FLT4: variants seen among roughly 807,000 people sequenced by gnomAD.
The protein encoded by FLT4 is fms related receptor tyrosine kinase 4, also known as vascular endothelial growth factor receptor 3.
A neutral mutation model predicts 163.2 loss-of-function variants in FLT4; 30 were observed. That is an observed-to-expected ratio of 0.18 (90% confidence interval 0.14 to 0.25). The LOEUF is 0.25. Among genes scored for constraint, FLT4 ranks in the 10% least tolerant of loss-of-function variants. FLT4 has a pLI of 1.00. For synonymous variants in FLT4, 884 were observed against 789.5 expected, an observed-to-expected ratio of 1.12 and a Z score of -2.01; for missense variants, 1,510 against 1,863.8, an observed-to-expected ratio of 0.81 and a Z score of 3.50.
At chr5:180,613,915 G>T in intron 24 of FLT4, 153 bp downstream of exon 24, 1 of 703,438 alleles carries the variant, frequency 1.4e-6, no homozygotes, top group South Asian at 1.5e-5. Context: ...GGGGAGAGGT[G>T]GGGGGCCCTT....
At chr5:180,647,035 C>A in intron 1 of FLT4, among the ~76,000 whole-genome samples, 1 of 151,960 alleles carries the variant, frequency 6.6e-6, no homozygotes, top group East Asian at 1.9e-4. Context: ...ATCCTGCCTG[C>A]AGTGACTTGC....
chr5:180,622,737 C>T lies in FLT4; in HGVS notation c.1651G>A (p.Val551Met). The change falls in exon 12 of 30, where the codon GTG becomes ATG. Residue 551 changes from valine (V) to methionine (M), a missense_variant. Physicochemically the swap from Val to Met is conservative, Grantham distance 21. Transcript: ENST00000261937. ...CCCTGGTCTGGTCACTCACTGGTCA[C>T]ATAGAAGTAGATGAGCCGCTCATCC... ...GQDERLIYFY[V>M]TTIPDGFTIE... 6.2e-7 allele frequency: 1 copy of T among 1,605,870 alleles called. No homozygotes were observed. The highest frequency in any genetic ancestry group is 8.5e-7 in the Non-Finnish European group (1 of 1,173,064).
chr5:180,607,184 C>T (rs1325666058), intron 29 of FLT4, among the ~76,000 whole-genome samples: 1 of 152,218 alleles, frequency 6.6e-6, no homozygotes, highest in Non-Finnish European at 1.5e-5. Flanking sequence ...ATGGCCAAAA[C>T]TGTTTTTCCC....
At chr5:180,646,603 C>G (rs1297935721) in intron 1 of FLT4, among the ~76,000 whole-genome samples, 3 of 152,204 alleles carry the variant, frequency 2.0e-5, no homozygotes, top group Non-Finnish European at 2.9e-5. Context: ...AGCTGGGCCT[C>G]ACCAGGGCCC....
At position 180,626,036 on chromosome 5, in the gene FLT4, G is replaced by A. The variant is rs2127827480; in HGVS notation, c.1259-5C>T. 1 of 1,612,744 alleles carries A rather than the reference G, an allele frequency of 6.2e-7. No individual in the cohort carries two copies. The highest frequency in any genetic ancestry group is 8.5e-7 in the Non-Finnish European group (1 of 1,179,992). ...TCTCATGTATCTGGGGGGGCACTGT[G>A]GGCACACAGATGGCCGGTCAGCTGG... On this transcript the variant is annotated splice_region_variant and splice_polypyrimidine_tract_variant and intron_variant, in intron 9 of 29. Transcript: ENST00000261937.
chr5:180,641,771 C>T (rs142982892), intron 1 of FLT4, among the ~76,000 whole-genome samples: 2,321 of 152,286 alleles, frequency 0.015, 27 homozygotes, highest in Non-Finnish European at 0.023. Context: ...CCCGCATGCC[C>T]GGCTGGGCAC....
rs762218682 is a variant in FLT4, at chr5:180,608,190, G to T, written c.3893+778C>A. 12 of 700,480 alleles carry T rather than the reference G, an allele frequency of 1.7e-5. No homozygotes were observed. In the Admixed American group the frequency reaches 2.2e-4, roughly 13 times the overall value. The allele number at this position is 700,480 out of a possible 1,614,324, so 43.4% of individuals were successfully genotyped here. ...AAGTTTGTAGTAGATAGCAGTAGAA[G>T]AAATAGCGAAAGTCTTAAAGTCTTT... On this transcript the variant is annotated intron_variant, in intron 29 of 29. Coordinates refer to ENST00000261937, the MANE Select transcript of FLT4 (RefSeq NM_182925.5).
chr5:180,627,861 G>A (rs1763759857), intron 8 of FLT4, among the ~76,000 whole-genome samples: 1 of 152,162 alleles, frequency 6.6e-6, no homozygotes, highest in Non-Finnish European at 1.5e-5. Flanking sequence ...TCAGGACTCT[G>A]CCCCAAGGGC....
chr5:180,605,751 C>A (rs961797078), intron 29 of FLT4, among the ~76,000 whole-genome samples: 2 of 152,234 alleles, frequency 1.3e-5, no homozygotes, highest in Non-Finnish European at 2.9e-5. Flanking sequence ...CCCAGAAGAG[C>A]TAGGCCCTCC....
intron 1 of FLT4, among the ~76,000 whole-genome samples, chr5:180,638,264 C>T (rs1269070681): frequency 6.6e-6 from 1 of 152,204 alleles, no homozygotes; most frequent in Non-Finnish European, 1.5e-5. Flanking sequence ...CCGCAGTCTA[C>T]GTTTCCGATG....
Position 180,612,561 on chromosome 5 carries a change from G to T in FLT4, c.3482C>A (p.Ala1161Glu), listed in dbSNP as rs1479792146. Residue 1161 changes from alanine to glutamate, a missense_variant, in exon 26 of 30, where the codon GCA becomes GAA. By Grantham distance (107) the Ala-to-Glu change is moderately radical (BLOSUM62 -1). Coordinates refer to ENST00000261937, the MANE Select transcript of FLT4 (RefSeq NM_182925.5). ...CWSGDPKARP[A>E]FSELVEILGD... Reference sequence around the variant, plus strand: ...CAGGATCTCCACCAGCTCCGAGAATGCAGGTCTCGCCTTGGGGTCTCCGGA... The same window carrying T: ...CAGGATCTCCACCAGCTCCGAGAATTCAGGTCTCGCCTTGGGGTCTCCGGA... The T allele has an allele frequency of 6.2e-7, 1 of 1,613,952 alleles. No homozygotes were observed. Among genetic ancestry groups the T allele is most frequent in the Non-Finnish European group, 8.5e-7 (1 of 1,179,948 alleles).
chr5:180,641,951 G>A (rs1765147029), intron 1 of FLT4, among the ~76,000 whole-genome samples: 1 of 152,198 alleles, frequency 6.6e-6, no homozygotes, highest in African/African-American at 2.4e-5. Context: ...GCTCACGCCT[G>A]TAATCACAGC....
Position 180,603,137 on chromosome 5 carries a change from T to TG in FLT4, c.*54dup. On this transcript the variant is annotated 3_prime_UTR_variant, in exon 30 of 30. Transcript: ENST00000261937. ...TTCCCAGCCTGGGCCTCCAGCCCTC[T>TG]GCCCGCCCTGCCGGGCCTGAACCCC... The TG allele has an allele frequency of 6.3e-7, 1 of 1,578,092 alleles. No individual in the cohort carries two copies.
At chr5:180,646,174 G>T (rs921634213) in intron 1 of FLT4, among the ~76,000 whole-genome samples, 4 of 152,058 alleles carry the variant, frequency 2.6e-5, no homozygotes, top group African/African-American at 9.7e-5. Context: ...AAATCCCATT[G>T]CCTACCTCCA....
rs2127822884 is a variant in FLT4 at position 180,624,022 on chromosome 5, A to C, written c.1461T>G (p.Arg487=). The change falls in exon 11 of 30, where the codon CGT becomes CGG. Residue 487 remains arginine (R), a synonymous_variant. Coordinates refer to ENST00000261937, the MANE Select transcript of FLT4 (RefSeq NM_182925.5). The part of the protein sequence containing the change: ...RQQQDLMPQC[R]DWRAVTTQDA... The stretch of plus-strand genomic sequence containing the variant: ...CCTGCGTGGTCACCGCCCTCCAGTC[A>C]CGGCACTGTGGCATGAGGTCTTGCT... 1 of 1,613,280 alleles carries C rather than the reference A, an allele frequency of 6.2e-7. No homozygotes were observed. The highest frequency in any genetic ancestry group is 8.5e-7 in the Non-Finnish European group (1 of 1,179,982).
At chr5:180,627,110 T>C (rs965218675) in intron 8 of FLT4, among the ~76,000 whole-genome samples, 53 of 152,300 alleles carry the variant, frequency 3.5e-4, no homozygotes, top group Admixed American at 2.3e-3. Flanking sequence ...CTGGGGCCCC[T>C]GCAGGCACCT....
At chr5:180,608,247 C>T (rs1761913558) in intron 29 of FLT4, 1 of 700,844 alleles carries the variant, frequency 1.4e-6, no homozygotes, top group Non-Finnish European at 2.6e-6. Flanking sequence ...GAAGAAAATG[C>T]TGACGTATGC....
In FLT4 at chr5:180,603,109, G is replaced by C; in HGVS notation, c.*83C>G. On this transcript the variant is annotated 3_prime_UTR_variant, in exon 30 of 30. Coordinates refer to ENST00000261937, the MANE Select transcript of FLT4 (RefSeq NM_182925.5). ...CTGTGCCACCAGAGTTCAACCAGAT[G>C]AGTTCCCAGCCTGGGCCTCCAGCCC... The C allele has an allele frequency of 7.4e-7, 1 of 1,353,034 alleles. No individual in the cohort carries two copies. Among genetic ancestry groups the C allele is most frequent in the Non-Finnish European group, 1.0e-6 (1 of 953,120 alleles). 83.8% of individuals were successfully genotyped at this position (1,353,034 alleles called of 1,614,324 possible).
intron 12 of FLT4, among the ~76,000 whole-genome samples, chr5:180,622,516 G>A (rs1311598470): frequency 6.6e-6 from 1 of 152,162 alleles, no homozygotes. Context: ...TGAGGGAGGA[G>A]CCCCAGGGTT....
Sources: allele counts gnomAD v4.1 joint callset (sites outside exome capture counted in the v4.1 genomes callset), GRCh38; gene constraint gnomAD v4.1.1; transcripts MANE v1.5; gene names NCBI Gene and HGNC (gene_info 2026-07-23, HGNC 2026-07-21).